Variants in PLXDC2 observed in about 807,000 individuals in gnomAD.
PLXDC2 encodes the protein plexin domain-containing protein 2.
A neutral mutation model predicts 68.9 loss-of-function variants in PLXDC2; 40 were observed. The ratio of observed to expected loss-of-function variants is 0.58; its 90% CI spans 0.45 to 0.76. The LOEUF (loss-of-function observed/expected upper bound fraction) is 0.76. Ranked by LOEUF, PLXDC2 falls within the 30% of genes least tolerant of loss-of-function variation. The pLI, the probability that PLXDC2 is intolerant of heterozygous loss-of-function variation, is 0.00. For synonymous variants in PLXDC2, 243 were observed against 234.2 expected (o/e 1.04, Z -0.34); for missense variants, 644 against 661.9 (o/e 0.97, Z 0.30).
intron 1 of PLXDC2, among the ~76,000 whole-genome samples, chr10:19,932,485 C>T (rs1833654410): frequency 6.6e-6 from 1 of 152,194 alleles, no homozygotes. Flanking sequence ...GACCTGCCTT[C>T]AGCATCCTTC....
chr10:20,031,676 A>G (rs1589596138), intron 2 of PLXDC2, among the ~76,000 whole-genome samples: 1 of 152,162 alleles, frequency 6.6e-6, no homozygotes, highest in Middle Eastern at 3.2e-3. Flanking sequence ...GACAAAGCCA[A>G]ATAAATTAGC....
intron 6 of PLXDC2, among the ~76,000 whole-genome samples, chr10:20,154,757 CT>C (rs1040803106): frequency 2.6e-5 from 4 of 151,746 alleles, no homozygotes; most frequent in Admixed American, 2.6e-4. Flanking sequence ...GGATGTGACT[CT>C]TTTTTTGTGT....
At chr10:20,239,169 T>G (rs770402980) in intron 12 of PLXDC2, among the ~76,000 whole-genome samples, 65 of 152,246 alleles carry the variant, frequency 4.3e-4, no homozygotes, top group Non-Finnish European at 7.8e-4. Flanking sequence ...ACTAAGTATG[T>G]GAGAAAGATG....
chr10:20,254,384 G>A lies in PLXDC2; in HGVS notation c.1473+8879G>A, dbSNP rs116912431. Among the ~76,000 whole-genome samples, 1,049 of 152,280 alleles carry A rather than the reference G, an allele frequency of 6.9e-3. 15 individuals carry two copies. The highest frequency in any genetic ancestry group is 7.0e-3 in the Non-Finnish European group (476 of 68,024). ...AGCTGCTGGATGGATTGCACTTGGG[G>A]AGTTAGGAAGACGCGATCTGTGGAC... is the stretch of plus-strand genomic sequence containing the variant. On this transcript the variant is annotated intron_variant, in intron 13 of 13. Transcript: ENST00000377252.
intron 12 of PLXDC2, among the ~76,000 whole-genome samples, chr10:20,230,693 C>CAAAAAAAAAAA (rs1191613913): frequency 0.09 from 3,404 of 37,722 alleles, 976 homozygotes; most frequent in Middle Eastern, 0.23. Context: ...GACCTTGTCT[C>CAAAAAAAAAAA]AAAAAAAAAA....
chr10:20,185,890 A>C (rs534653789), intron 9 of PLXDC2, among the ~76,000 whole-genome samples: 1 of 152,068 alleles, frequency 6.6e-6, no homozygotes, highest in African/African-American at 2.4e-5. Context: ...TTTGCTTGCC[A>C]AAGCACCTAA....
chr10:20,214,482 C>A (rs191303114), intron 10 of PLXDC2, among the ~76,000 whole-genome samples: 1 of 152,188 alleles, frequency 6.6e-6, no homozygotes, highest in East Asian at 1.9e-4. Context: ...CTCTTTAGAG[C>A]GATATTGATT....
At chr10:19,967,426 C>T (rs540175022) in intron 1 of PLXDC2, among the ~76,000 whole-genome samples, 1 of 151,988 alleles carries the variant, frequency 6.6e-6, no homozygotes, top group African/African-American at 2.4e-5. Context: ...AAAATGGCCT[C>T]AAAACACAGT....
intron 4 of PLXDC2, among the ~76,000 whole-genome samples, chr10:20,132,429 C>T (rs1341915637): frequency 6.6e-6 from 1 of 152,168 alleles, no homozygotes; most frequent in African/African-American, 2.4e-5. Context: ...GACCTATCCA[C>T]TGCTGAAGGT....
At chr10:19,926,423 G>A (rs1397919166) in intron 1 of PLXDC2, among the ~76,000 whole-genome samples, 3 of 152,188 alleles carry the variant, frequency 2.0e-5, no homozygotes, top group African/African-American at 4.8e-5. Context: ...ATCACCTAAA[G>A]GAGTAGAAGA....
intron 1 of PLXDC2, among the ~76,000 whole-genome samples, chr10:19,877,555 G>C (rs1837655413): frequency 1.3e-5 from 2 of 152,170 alleles, no homozygotes; most frequent in South Asian, 4.1e-4. Context: ...ACTTTAAAAA[G>C]TAAAAGATTG....
chr10:19,869,760 T>A (rs187801665), intron 1 of PLXDC2, among the ~76,000 whole-genome samples: 3 of 152,276 alleles, frequency 2.0e-5, no homozygotes, highest in Admixed American at 2.0e-4. Flanking sequence ...ACCATAGCTA[T>A]AGCTTTGTTA....
Position 20,248,297 on chromosome 10 carries a change from T to C in PLXDC2, c.1473+2792T>C, listed in dbSNP as rs142030500. Among the ~76,000 whole-genome samples the C allele has an allele frequency of 4.0e-3, 610 of 152,312 alleles. 4 individuals are homozygous for C. Among genetic ancestry groups the C allele is most frequent in the African/African-American group, 0.013 (556 of 41,552 alleles). ...ATTGTCTTATGTCTCAGAGCCTGTA[T>C]GTCCATAGGTGTGGAGTGTTTACAT... On this transcript the variant is annotated intron_variant, in intron 13 of 13. Transcript: ENST00000377252.
chr10:20,088,391 A>G (rs1052574087), intron 4 of PLXDC2, among the ~76,000 whole-genome samples: 1 of 152,176 alleles, frequency 6.6e-6, no homozygotes, highest in Non-Finnish European at 1.5e-5. Flanking sequence ...TTCTTGGTTG[A>G]GAAGAATTAC....
At chr10:19,876,052 G>A (rs2131346677) in intron 1 of PLXDC2, among the ~76,000 whole-genome samples, 1 of 152,150 alleles carries the variant, frequency 6.6e-6, no homozygotes, top group East Asian at 1.9e-4. Flanking sequence ...GACAATCAGT[G>A]GTGGGGATTA....
At chr10:20,003,223 C>T (rs534971098) in intron 2 of PLXDC2, among the ~76,000 whole-genome samples, 4 of 152,230 alleles carry the variant, frequency 2.6e-5, no homozygotes, top group Non-Finnish European at 4.4e-5. Flanking sequence ...GGCAAAAAAG[C>T]GAAGACCACC....
chr10:20,129,947 G>A (rs1300399446), intron 4 of PLXDC2, among the ~76,000 whole-genome samples: 1 of 151,976 alleles, frequency 6.6e-6, no homozygotes, highest in Non-Finnish European at 1.5e-5. Context: ...GTAGTGTGAT[G>A]CCTCCAGCTT....
chr10:20,002,041 T>C (rs1011614068), intron 2 of PLXDC2, 55 bp downstream of exon 2: 1 of 1,526,646 alleles, frequency 6.6e-7, no homozygotes, highest in Admixed American at 1.9e-5. Flanking sequence ...TTCATGTAGG[T>C]GCCCAACTTT....
At chr10:20,086,021 T>A (rs1295383418) in intron 4 of PLXDC2, among the ~76,000 whole-genome samples, 1 of 152,208 alleles carries the variant, frequency 6.6e-6, no homozygotes, top group Non-Finnish European at 1.5e-5. Context: ...CTTGACAAAT[T>A]CAGATTTAGA....
Sources: allele counts gnomAD v4.1 joint callset (sites outside exome capture counted in the v4.1 genomes callset), GRCh38; gene constraint gnomAD v4.1.1; transcripts MANE v1.5; gene names NCBI Gene and HGNC (gene_info 2026-07-23, HGNC 2026-07-21).